Variants in RRAS2 observed in about 807,000 individuals in gnomAD.
RRAS2 encodes ras-related protein R-Ras2.
Under a neutral mutation model 27.6 loss-of-function variants are expected in RRAS2, and 7 were observed. The ratio of observed to expected loss-of-function variants is 0.25; its 90% CI spans 0.14 to 0.48. RRAS2 has a LOEUF of 0.48. Ranked by LOEUF, RRAS2 falls within the 20% of genes least tolerant of loss-of-function variation. RRAS2 has a pLI of 0.99. For synonymous variants in RRAS2, 86 were observed against 90.9 expected (o/e 0.95, Z 0.31); for missense variants, 178 against 256.2 (o/e 0.69, Z 2.08).
chr11:14,302,702 G>A (rs1554947573), intron 1 of RRAS2, among the ~76,000 whole-genome samples: 1 of 152,184 alleles, frequency 6.6e-6, no homozygotes, highest in East Asian at 1.9e-4. Flanking sequence ...CAGGTCCCCA[G>A]TGACTGTTAT....
chr11:14,315,234 C>A (rs1326381669), intron 1 of RRAS2, among the ~76,000 whole-genome samples: 4 of 152,220 alleles, frequency 2.6e-5, no homozygotes, highest in African/African-American at 9.6e-5. Context: ...AACATTACCT[C>A]AGCCAGATGA....
chr11:14,323,661 T>G (rs542612327), intron 1 of RRAS2, among the ~76,000 whole-genome samples: 85 of 151,720 alleles, frequency 5.6e-4, no homozygotes, highest in African/African-American at 2.0e-3. Flanking sequence ...AAGGAGGAAA[T>G]ACACCCCCCA....
intron 1 of RRAS2, among the ~76,000 whole-genome samples, chr11:14,306,676 C>T (rs1399974279): frequency 6.6e-6 from 1 of 152,110 alleles, no homozygotes; most frequent in Non-Finnish European, 1.5e-5. Context: ...GGTGGCTGTT[C>T]TACTGGGCTG....
Position 14,332,922 on chromosome 11 carries a change from A to G in RRAS2, c.108+25841T>C, listed in dbSNP as rs1848510379. Among the ~76,000 whole-genome samples, 4 of 152,222 alleles carry G rather than the reference A, an allele frequency of 2.6e-5. No individual in the cohort carries two copies. In the South Asian group the frequency reaches 8.3e-4, roughly 31 times the overall value. On this transcript the variant is annotated intron_variant, in intron 1 of 5. Transcript: ENST00000256196. ...CCAAAAAAAGTTTAAATATCATTTTATATCAATTAGCAAATTAATTTACAA... is the reference window on the plus strand; with the variant it reads ...CCAAAAAAAGTTTAAATATCATTTTGTATCAATTAGCAAATTAATTTACAA...
At chr11:14,305,647 C>G (rs782184909) in intron 1 of RRAS2, among the ~76,000 whole-genome samples, 8 of 152,196 alleles carry the variant, frequency 5.3e-5, no homozygotes, top group Non-Finnish European at 1.0e-4. Context: ...TTAAAACCCT[C>G]AAGAGATATT....
intron 1 of RRAS2, among the ~76,000 whole-genome samples, chr11:14,317,466 G>T (rs889346595): frequency 3.3e-5 from 5 of 152,162 alleles, no homozygotes; most frequent in Non-Finnish European, 5.9e-5. Flanking sequence ...TGTAATCTCA[G>T]CTACTCAGGA....
chr11:14,353,989 G>A (rs1394896740), intron 1 of RRAS2, among the ~76,000 whole-genome samples: 1 of 152,122 alleles, frequency 6.6e-6, no homozygotes, highest in Non-Finnish European at 1.5e-5. Context: ...CAAAATAATA[G>A]ATAAAAGTTA....
In RRAS2 at chr11:14,358,325, T is replaced by C; in HGVS notation, c.108+438A>G. 1.0e-6 allele frequency: 1 copy of C among 985,472 alleles called. No homozygotes were observed. The highest frequency in any genetic ancestry group is 1.2e-6 in the Non-Finnish European group (1 of 830,000). The allele number at this position is 985,472 out of a possible 1,614,324, so 61.0% of individuals were successfully genotyped here. ...AGACCACGCGGAGCCGCGGCCAAGT[T>C]GCCACCGCTATCGCCCCGACGGTGA... On this transcript the variant is annotated intron_variant, in intron 1 of 5. Coordinates refer to ENST00000256196, the MANE Select transcript of RRAS2 (RefSeq NM_012250.6). This position sits in a 1 kb window ranked among gnomAD's most constrained non-coding sequence, Gnocchi z 5.1.
chr11:14,352,008 A>T (rs1053493203), intron 1 of RRAS2, among the ~76,000 whole-genome samples: 1 of 152,200 alleles, frequency 6.6e-6, no homozygotes, highest in African/African-American at 2.4e-5. Flanking sequence ...AAATGATTTT[A>T]AAAACCATAT....
In RRAS2 at chr11:14,358,934, C is replaced by T; in HGVS notation, c.-64G>A. The T allele has an allele frequency of 3.3e-6, 4 of 1,201,292 alleles. No homozygotes were observed. Among genetic ancestry groups the T allele is most frequent in the Middle Eastern group, 3.4e-4 (1 of 2,948 alleles). 74.4% of individuals were successfully genotyped at this position (1,201,292 alleles called of 1,614,324 possible). A position where few individuals can be genotyped will look rare whatever the true frequency, so the allele number is the denominator to read the frequency against. On this transcript the variant is annotated 5_prime_UTR_variant, in exon 1 of 6. Transcript: ENST00000256196. This position sits in a 1 kb window ranked among gnomAD's most constrained non-coding sequence, Gnocchi z 5.1. ...CCGCTGCCGCCCGCCCTAGGCCCGG[C>T]TCCGGGGACGTGTGCGGCCGGCGGG...
intron 1 of RRAS2, among the ~76,000 whole-genome samples, chr11:14,305,322 T>C (rs898488463): frequency 2.0e-5 from 3 of 152,208 alleles, no homozygotes; most frequent in African/African-American, 4.8e-5. Flanking sequence ...TGCAGGTATA[T>C]TCGGAGGCCA....
At chr11:14,354,193 A>G (rs1270116292) in intron 1 of RRAS2, among the ~76,000 whole-genome samples, 1 of 152,226 alleles carries the variant, frequency 6.6e-6, no homozygotes, top group Non-Finnish European at 1.5e-5. Context: ...AAACTTTTAA[A>G]AAGCAATGCT....
At chr11:14,328,473 C>A (rs1848414750) in intron 1 of RRAS2, among the ~76,000 whole-genome samples, 1 of 150,668 alleles carries the variant, frequency 6.6e-6, no homozygotes. Context: ...ATTTATTTGG[C>A]AAGAGCTATA....
chr11:14,320,918 C>T (rs1296881101), intron 1 of RRAS2, among the ~76,000 whole-genome samples: 1 of 152,170 alleles, frequency 6.6e-6, no homozygotes, highest in Non-Finnish European at 1.5e-5. Flanking sequence ...TAGTGGCTCA[C>T]GCCTATAATC....
intron 1 of RRAS2, among the ~76,000 whole-genome samples, chr11:14,299,116 T>C (rs1417598308): frequency 1.3e-5 from 2 of 152,204 alleles, no homozygotes; most frequent in Non-Finnish European, 2.9e-5. Flanking sequence ...GCATATGAAG[T>C]GCCAAGGCAT....
intron 1 of RRAS2, among the ~76,000 whole-genome samples, chr11:14,350,156 A>G (rs570448323): frequency 1.3e-5 from 2 of 152,324 alleles, no homozygotes; most frequent in South Asian, 4.1e-4. Flanking sequence ...AAAAGGTAGT[A>G]TACACACAGT....
At chr11:14,298,545 C>A (rs1327446742) in intron 1 of RRAS2, among the ~76,000 whole-genome samples, 4 of 152,180 alleles carry the variant, frequency 2.6e-5, no homozygotes, top group African/African-American at 7.2e-5. Flanking sequence ...CTTAGTATTA[C>A]AAGAATTTTG....
intron 1 of RRAS2, among the ~76,000 whole-genome samples, chr11:14,333,925 C>T (rs116117678): frequency 1.2e-4 from 19 of 152,232 alleles, no homozygotes; most frequent in Non-Finnish European, 2.6e-4. Context: ...CCATCTCACA[C>T]AGCCCCGCCC....
At chr11:14,338,918 C>T (rs1296582178) in intron 1 of RRAS2, among the ~76,000 whole-genome samples, 1 of 151,996 alleles carries the variant, frequency 6.6e-6, no homozygotes, top group Non-Finnish European at 1.5e-5. Flanking sequence ...TTAAACCAAA[C>T]TTATGTGACG....
Sources: allele counts gnomAD v4.1 joint callset (sites outside exome capture counted in the v4.1 genomes callset), GRCh38; gene constraint gnomAD v4.1.1; non-coding constraint Gnocchi (gnomAD v3.1); transcripts MANE v1.5; gene names NCBI Gene and HGNC (gene_info 2026-07-23, HGNC 2026-07-21).